Variants in TRAM2 observed in about 807,000 individuals in gnomAD.
TRAM2 encodes the protein translocating chain-associated membrane protein 2.
TRAM2 carries 12 observed loss-of-function variants against 51.0 expected under a neutral mutation model. The ratio of observed to expected loss-of-function variants is 0.24; its 90% CI spans 0.15 to 0.38. The LOEUF (loss-of-function observed/expected upper bound fraction) is 0.38, where lower values mean the gene tolerates loss of function less well. TRAM2 is among the 10% of genes least tolerant of loss of function. The pLI, the probability that TRAM2 is intolerant of heterozygous loss-of-function variation, is 1.00. For synonymous variants in TRAM2, 175 were observed against 179.4 expected (o/e 0.98, Z 0.20); for missense variants, 361 against 462.0 (o/e 0.78, Z 2.00).
chr6:52,555,416 AAT>A (rs926996727), intron 1 of TRAM2, among the ~76,000 whole-genome samples: 6 of 152,192 alleles, frequency 3.9e-5, no homozygotes, highest in African/African-American at 1.4e-4. Flanking sequence ...CATTAAAACA[AAT>A]ATATATATAT....
chr6:52,503,099 G>A lies in TRAM2; in HGVS notation c.*98C>T, dbSNP rs41273846. Reference sequence around the variant, plus strand: ...ACAGGTTTCGGCTGTTTGAGACGGAGCATCACAGGCAGGAAGGAGGAGGCA... The same window carrying A: ...ACAGGTTTCGGCTGTTTGAGACGGAACATCACAGGCAGGAAGGAGGAGGCA... On this transcript the variant is annotated 3_prime_UTR_variant, in exon 11 of 11. Coordinates refer to ENST00000182527, the MANE Select transcript of TRAM2 (RefSeq NM_012288.4). The A allele has an allele frequency of 0.072, 73,302 of 1,016,676 alleles. 3,381 individuals are homozygous for A. The highest frequency in any genetic ancestry group is 0.089 in the Non-Finnish European group (57,451 of 641,928). The allele number at this position is 1,016,676 out of a possible 1,614,324, so 63.0% of individuals were successfully genotyped here.
chr6:52,537,214 G>A (rs1242343251), intron 1 of TRAM2, among the ~76,000 whole-genome samples: 1 of 152,092 alleles, frequency 6.6e-6, no homozygotes, highest in Non-Finnish European at 1.5e-5. Context: ...AGGCTTGCAG[G>A]GAAAAACCCA....
At chr6:52,509,298 G>A (rs1439480724) in intron 5 of TRAM2, among the ~76,000 whole-genome samples, 2 of 152,230 alleles carry the variant, frequency 1.3e-5, no homozygotes, top group African/African-American at 4.8e-5. Flanking sequence ...ATGCAGTTGA[G>A]GGACCTCTGT....
In TRAM2 at chr6:52,505,678, C is replaced by T. The variant is rs1351084702; in HGVS notation, c.796G>A (p.Ala266Thr). ...RLFILTLAVL[A>T]IGFGLARMEN... ...ATGCGAGCCAGTCCAAAGCCAATGGCCAGCACGGCAAGGGTGAGGATGAAG... is the reference window on the plus strand; with the variant it reads ...ATGCGAGCCAGTCCAAAGCCAATGGTCAGCACGGCAAGGGTGAGGATGAAG... Residue 266 changes from alanine to threonine, a missense_variant, in exon 9 of 11, where the codon GCC becomes ACC. Coordinates refer to ENST00000182527, the MANE Select transcript of TRAM2 (RefSeq NM_012288.4). The T allele has an allele frequency of 1.9e-6, 3 of 1,613,794 alleles. No homozygotes were observed. Among genetic ancestry groups the T allele is most frequent in the Non-Finnish European group, 2.5e-6 (3 of 1,179,770 alleles).
chr6:52,551,025 C>T (rs554281418), intron 1 of TRAM2, among the ~76,000 whole-genome samples: 4 of 152,304 alleles, frequency 2.6e-5, no homozygotes, highest in African/African-American at 9.6e-5. Context: ...AAATGGTTTT[C>T]TTTAGGCATG....
At chr6:52,564,966 A>G (rs1767564937) in intron 1 of TRAM2, among the ~76,000 whole-genome samples, 2 of 152,198 alleles carry the variant, frequency 1.3e-5, no homozygotes, top group Non-Finnish European at 2.9e-5. Flanking sequence ...GGGTGCATGA[A>G]AAAAAGCAGA....
At chr6:52,563,711 A>AT (rs1767541387) in intron 1 of TRAM2, among the ~76,000 whole-genome samples, 2 of 151,900 alleles carry the variant, frequency 1.3e-5, no homozygotes, top group South Asian at 4.2e-4. Flanking sequence ...AAAAAAAAAA[A>AT]AAAAAAGTGG....
intron 2 of TRAM2, among the ~76,000 whole-genome samples, chr6:52,518,370 T>G (rs533251118): frequency 6.6e-6 from 1 of 152,176 alleles, no homozygotes. Context: ...CGGGCTGCTG[T>G]GCGTGGCCTT....
At chr6:52,513,298 C>T (rs1488493641) in intron 4 of TRAM2, among the ~76,000 whole-genome samples, 3 of 152,142 alleles carry the variant, frequency 2.0e-5, no homozygotes, top group Admixed American at 2.0e-4. Context: ...ACAACCAATT[C>T]ATTACTTTAA....
At chr6:52,537,104 C>T (rs1015382612) in intron 1 of TRAM2, among the ~76,000 whole-genome samples, 1 of 152,204 alleles carries the variant, frequency 6.6e-6, no homozygotes, top group Non-Finnish European at 1.5e-5. Flanking sequence ...CCCTGGTCAA[C>T]AAGACCCATC....
At chr6:52,549,766 T>G (rs1028084426) in intron 1 of TRAM2, among the ~76,000 whole-genome samples, 9 of 152,172 alleles carry the variant, frequency 5.9e-5, no homozygotes, top group African/African-American at 2.2e-4. Flanking sequence ...AGCCAAAAGA[T>G]GGAAGTGGAA....
intron 1 of TRAM2, among the ~76,000 whole-genome samples, chr6:52,540,231 G>A (rs1478858970): frequency 6.6e-6 from 1 of 151,188 alleles, no homozygotes; most frequent in Non-Finnish European, 1.5e-5. Flanking sequence ...AACTATACAA[G>A]CAGAAAAGGC....
chr6:52,574,879 T>C (rs1366493936), intron 1 of TRAM2, among the ~76,000 whole-genome samples: 1 of 152,128 alleles, frequency 6.6e-6, no homozygotes, highest in Non-Finnish European at 1.5e-5. Context: ...CCACAAACCC[T>C]AACAAATGCT....
At chr6:52,505,377 T>C (rs1310165032) in intron 9 of TRAM2, among the ~76,000 whole-genome samples, 1 of 152,210 alleles carries the variant, frequency 6.6e-6, no homozygotes, top group East Asian at 1.9e-4. Context: ...GGGATTCCTA[T>C]TTGGACTACA....
chr6:52,562,624 T>C (rs1388212173), intron 1 of TRAM2, among the ~76,000 whole-genome samples: 2 of 152,218 alleles, frequency 1.3e-5, no homozygotes, highest in Non-Finnish European at 1.5e-5. Flanking sequence ...TTTTGTTACA[T>C]AGGTGTACAC....
chr6:52,518,006 G>C (rs747767804), intron 2 of TRAM2, among the ~76,000 whole-genome samples: 3 of 152,170 alleles, frequency 2.0e-5, no homozygotes, highest in East Asian at 1.9e-4. Context: ...TATTCTGTGA[G>C]AGGCACTGGG....
chr6:52,541,891 C>G (rs1767089762), intron 1 of TRAM2, among the ~76,000 whole-genome samples: 1 of 149,206 alleles, frequency 6.7e-6, no homozygotes, highest in Admixed American at 6.8e-5. Flanking sequence ...AGACAGGGTA[C>G]AGAAGGCCTT....
intron 2 of TRAM2, among the ~76,000 whole-genome samples, chr6:52,519,133 C>T (rs1339983307): frequency 1.3e-5 from 2 of 152,224 alleles, no homozygotes; most frequent in Admixed American, 6.5e-5. Flanking sequence ...CATTGGCTGA[C>T]GAACCACGCA....
chr6:52,534,449 C>A (rs4715305), intron 2 of TRAM2, among the ~76,000 whole-genome samples: 64,175 of 152,064 alleles, frequency 0.42, 14,183 homozygotes, highest in African/African-American at 0.54. Context: ...AAACAAAAGT[C>A]CTTCCTTTGT....
Sources: gnomAD v4.1 joint callset for allele counts (sites outside exome capture counted in the v4.1 genomes callset) on GRCh38, gnomAD v4.1.1 for gene constraint, MANE v1.5 for transcripts, NCBI Gene and HGNC (gene_info 2026-07-23, HGNC 2026-07-21) for gene names.